Variants in RUNX1 observed in about 807,000 individuals in gnomAD.
RUNX1 encodes the protein runt-related transcription factor 1.
RUNX1 carries 19 observed loss-of-function variants against 42.8 expected under a neutral mutation model. That is an observed-to-expected ratio of 0.44 (90% CI 0.31 to 0.65). The LOEUF is 0.65. Ranked by LOEUF, RUNX1 falls within the 30% of genes least tolerant of loss-of-function variation. The pLI is 0.07. For missense variants in RUNX1, 528 were observed against 672.0 expected (o/e 0.79, Z 2.37); for synonymous variants, 271 against 289.4 (o/e 0.94, Z 0.64).
chr21:34,946,937 T>C (rs1026585251), intron 2 of RUNX1, among the ~76,000 whole-genome samples: 12 of 152,310 alleles, frequency 7.9e-5, no homozygotes, highest in African/African-American at 2.6e-4. Context: ...AGGTCCTCCC[T>C]TGGGTCTGTA....
intron 2 of RUNX1, among the ~76,000 whole-genome samples, chr21:35,024,450 A>C (rs2059221506): frequency 6.6e-6 from 1 of 152,244 alleles, no homozygotes; most frequent in African/African-American, 2.4e-5. Context: ...AACCTAACCA[A>C]TACCCTAATA....
rs1459260782 is a variant in RUNX1 at position 34,792,306 on chromosome 21, C to T, written c.1272G>A (p.Ser424=). The change falls in exon 9 of 9, where the codon TCG becomes TCA. Residue 424 remains serine, a synonymous_variant. Transcript: ENST00000675419. This position sits in a 1 kb window ranked among gnomAD's most constrained non-coding sequence, Gnocchi z 6.9. Reference sequence around the variant, plus strand: ...TGCAGGGCGGCAGGATGCGCGGCGGCGAGCGCTCGCCGCCCACCATGGAGA... The same window carrying T: ...TGCAGGGCGGCAGGATGCGCGGCGGTGAGCGCTCGCCGCCCACCATGGAGA... ...YQFSMVGGER[S]PPRILPPCTN... is the part of the protein sequence containing the mutation. 2.2e-6 allele frequency: 3 copies of T among 1,382,950 alleles called. No individual in the cohort carries two copies. The highest frequency in any genetic ancestry group is 1.9e-4 in the Middle Eastern group (1 of 5,186). The allele number at this position is 1,382,950 out of a possible 1,614,324, so 85.7% of individuals were successfully genotyped here.
intron 5 of RUNX1, 43 bp from the exon 6 acceptor site, chr21:34,859,621 G>A (rs1390807019): frequency 7.0e-7 from 1 of 1,426,696 alleles, no homozygotes. Context: ...GAGGTTGGTG[G>A]CCTGAACATA....
chr21:34,813,402 C>A (rs552323534), intron 7 of RUNX1, among the ~76,000 whole-genome samples: 1 of 152,158 alleles, frequency 6.6e-6, no homozygotes, highest in Non-Finnish European at 1.5e-5. Context: ...AAAGCTAACA[C>A]AGCATTGTCC....
intron 5 of RUNX1, among the ~76,000 whole-genome samples, chr21:34,864,747 G>GT (rs2057632253): frequency 6.6e-6 from 1 of 152,200 alleles, no homozygotes; most frequent in South Asian, 2.1e-4. Context: ...TTCCAGCCAG[G>GT]GCTTGGGTTC....
chr21:34,965,065 T>C (rs1027384446), intron 2 of RUNX1, among the ~76,000 whole-genome samples: 2 of 152,030 alleles, frequency 1.3e-5, no homozygotes, highest in African/African-American at 4.8e-5. Context: ...CAGCCTTCCA[T>C]GCACATGCTA....
chr21:34,998,698 T>C (rs184418280), intron 2 of RUNX1, among the ~76,000 whole-genome samples: 1,985 of 152,118 alleles, frequency 0.013, 17 homozygotes, highest in South Asian at 0.023. Context: ...CCCGCCACCA[T>C]GCCTGGCTAA....
rs1055307 is a variant in RUNX1 at position 34,792,315 on chromosome 21, G to C, written c.1263C>G (p.Gly421=). Residue 421 remains glycine, a synonymous_variant, in exon 9 of 9, where the codon GGC becomes GGG. Coordinates refer to ENST00000675419, the MANE Select transcript of RUNX1 (RefSeq NM_001754.5). This position sits in a 1 kb window ranked among gnomAD's most constrained non-coding sequence, Gnocchi z 6.9. ...AGSYQFSMVG[G]ERSPPRILPP... Reference sequence around the variant, plus strand: ...GCAGGATGCGCGGCGGCGAGCGCTCGCCGCCCACCATGGAGAACTGGTAGG... The same window carrying C: ...GCAGGATGCGCGGCGGCGAGCGCTCCCCGCCCACCATGGAGAACTGGTAGG... The C allele has an allele frequency of 3.3e-4, 499 of 1,512,964 alleles. No homozygotes were observed. The highest frequency in any genetic ancestry group is 1.4e-3 in the Middle Eastern group (8 of 5,792). The allele number at this position is 1,512,964 out of a possible 1,614,324, so 93.7% of individuals were successfully genotyped here. A position where few individuals can be genotyped will look rare whatever the true frequency, so the allele number is the denominator to read the frequency against.
At chr21:35,027,430 A>C (rs1057022840) in intron 2 of RUNX1, among the ~76,000 whole-genome samples, 1 of 152,198 alleles carries the variant, frequency 6.6e-6, no homozygotes, top group Non-Finnish European at 1.5e-5. Flanking sequence ...CAAAGACCAC[A>C]CTGTGAATAG....
intron 6 of RUNX1, among the ~76,000 whole-genome samples, chr21:34,847,463 T>A (rs1237446861): frequency 7.2e-6 from 1 of 138,270 alleles, no homozygotes; most frequent in Non-Finnish European, 1.6e-5. Flanking sequence ...TTTAATATAG[T>A]ACATGCAAAA....
intron 6 of RUNX1, among the ~76,000 whole-genome samples, chr21:34,842,797 G>A (rs56335473): frequency 0.016 from 2,392 of 152,128 alleles, 24 homozygotes; most frequent in Non-Finnish European, 0.025. Flanking sequence ...AGCTGGGCGC[G>A]GTGGCTCATG....
chr21:34,845,450 C>A (rs1039268976), intron 6 of RUNX1, among the ~76,000 whole-genome samples: 7 of 152,242 alleles, frequency 4.6e-5, no homozygotes, highest in Non-Finnish European at 1.0e-4. Context: ...TACCTTGAGT[C>A]TCTGCCTATG....
chr21:34,809,564 T>C (rs1291654299), intron 7 of RUNX1, among the ~76,000 whole-genome samples: 1 of 152,122 alleles, frequency 6.6e-6, no homozygotes, highest in Non-Finnish European at 1.5e-5. Flanking sequence ...AAGAGGATTG[T>C]GCACGCTTGA....
chr21:34,863,051 T>G, intron 5 of RUNX1, among the ~76,000 whole-genome samples: 1 of 152,210 alleles, frequency 6.6e-6, no homozygotes, highest in East Asian at 1.9e-4. Context: ...ACTATTTCAT[T>G]TGGTCCTCAC....
rs75097801 is a variant in RUNX1, at chr21:34,809,113, G to A, written c.806-9651C>T. ...TGCACTTTCTGCACCTCTGCCCCCC[G>A]TATACAACTTTCCAGGCCTGAAGGA... On this transcript the variant is annotated intron_variant, in intron 7 of 8. Coordinates refer to ENST00000675419, the MANE Select transcript of RUNX1 (RefSeq NM_001754.5). Among the ~76,000 whole-genome samples the A allele has an allele frequency of 2.0e-3, 297 of 152,110 alleles. 2 individuals carry two copies. Among genetic ancestry groups the A allele is most frequent in the African/African-American group, 6.9e-3 (288 of 41,488 alleles).
intron 2 of RUNX1, among the ~76,000 whole-genome samples, chr21:34,915,304 T>A (rs1272306014): frequency 1.3e-5 from 2 of 152,166 alleles, no homozygotes; most frequent in African/African-American, 4.8e-5. Flanking sequence ...AATTAATGAC[T>A]ATGTGGAGAC....
chr21:35,041,132 C>A (rs2059356022), intron 2 of RUNX1, among the ~76,000 whole-genome samples: 1 of 152,178 alleles, frequency 6.6e-6, no homozygotes, highest in South Asian at 2.1e-4. Context: ...AGCAAAGTTT[C>A]TTTTGAGAAG....
At chr21:34,885,616 T>TA (rs2057972162) in intron 4 of RUNX1, among the ~76,000 whole-genome samples, 1 of 152,196 alleles carries the variant, frequency 6.6e-6, no homozygotes, top group Non-Finnish European at 1.5e-5. Context: ...GTATAAAGCT[T>TA]AAAAATAACC....
intron 7 of RUNX1, chr21:34,821,663 C>G: frequency 6.4e-7 from 1 of 1,572,382 alleles, no homozygotes; most frequent in South Asian, 1.2e-5. Context: ...GAACTGACTT[C>G]TGCCTTAACA....
Sources: allele counts gnomAD v4.1 joint callset (sites outside exome capture counted in the v4.1 genomes callset), GRCh38; gene constraint gnomAD v4.1.1; non-coding constraint Gnocchi (gnomAD v3.1); transcripts MANE v1.5; gene names NCBI Gene and HGNC (gene_info 2026-07-23, HGNC 2026-07-21).